Variants in GMIP observed in about 807,000 individuals in gnomAD.
The protein encoded by GMIP is GEM interacting protein.
A neutral mutation model predicts 105.3 loss-of-function variants in GMIP; 54 were observed. The observed-to-expected ratio is 0.51, with a 90% CI of 0.41 to 0.64. The LOEUF (loss-of-function observed/expected upper bound fraction) is 0.64, where lower values mean the gene tolerates loss of function less well. Ranked by LOEUF, GMIP falls within the 30% of genes least tolerant of loss-of-function variation. The pLI, the probability that GMIP is intolerant of heterozygous loss-of-function variation, is 0.00. For synonymous variants in GMIP, 541 were observed against 560.8 expected (o/e 0.96, Z 0.50); for missense variants, 1,110 against 1,319.4 (o/e 0.84, Z 2.46).
rs2061782899 is a variant in GMIP, at chr19:19,630,401, C to G, written c.2540-65G>C. On this transcript the variant is annotated intron_variant, in intron 20 of 20. Transcript: ENST00000203556. The surrounding 1 kb of genome is among the most constrained non-coding windows in gnomAD (Gnocchi z 4.8). The stretch of plus-strand genomic sequence containing the variant: ...GTTCTCTGTATATCCCCCCAGGAGT[C>G]ATCTTTTAGCAAGCCACCCTGGGGC... 1 of 1,590,730 alleles carries G rather than the reference C, an allele frequency of 6.3e-7. No homozygotes were observed. Among genetic ancestry groups the G allele is most frequent in the Non-Finnish European group, 8.6e-7 (1 of 1,168,944 alleles).
chr19:19,642,274 G>A (rs2061930707), intron 2 of GMIP, among the ~76,000 whole-genome samples: 1 of 152,082 alleles, frequency 6.6e-6, no homozygotes. Flanking sequence ...TTCATAGAGT[G>A]GGATTATAGG....
At chr19:19,632,931 C>T (rs1422162737) in intron 19 of GMIP, among the ~76,000 whole-genome samples, 5 of 152,150 alleles carry the variant, frequency 3.3e-5, no homozygotes, top group African/African-American at 1.2e-4. Flanking sequence ...TGCCAGCTCA[C>T]TCCTTCATGT....
At position 19,629,822 on chromosome 19, in the gene GMIP, T is replaced by A; in HGVS notation, c.*141A>T. On this transcript the variant is annotated 3_prime_UTR_variant, in exon 21 of 21. Transcript: ENST00000203556. ...CTCCCCTAGGTCATGTATTAAATAGTTTTTCCTTATAGGAACCCTCTGGAC... is the reference window on the plus strand; with the variant it reads ...CTCCCCTAGGTCATGTATTAAATAGATTTTCCTTATAGGAACCCTCTGGAC... 1 of 819,560 alleles carries A rather than the reference T, an allele frequency of 1.2e-6. No homozygotes were observed. Among genetic ancestry groups the A allele is most frequent in the Non-Finnish European group, 1.9e-6 (1 of 535,818 alleles). The allele number at this position is 819,560 out of a possible 1,614,324, so 50.8% of individuals were successfully genotyped here.
At position 19,643,524 on chromosome 19, in the gene GMIP, G is replaced by C. The variant is rs770374512; in HGVS notation, c.6C>G (p.Asp2Glu). M[D>E]AAEPGLPPGP... ...CCGACCCCCTACCCGGCTCTGCTGC[G>C]TCCATATCTGGGCCCGGGGATCGCT... The change falls in exon 1 of 21, where the codon GAC becomes GAG. Residue 2 changes from aspartate to glutamate, a missense_variant. By Grantham distance (45) the Asp-to-Glu change is conservative (BLOSUM62 2). This residue lies in a region of GMIP where 667 missense variants were observed against 773.2 expected (regional missense o/e 0.86). Coordinates refer to ENST00000203556, the MANE Select transcript of GMIP (RefSeq NM_016573.4). The C allele has an allele frequency of 6.5e-6, 10 of 1,547,862 alleles. No homozygotes were observed. The African/African-American group carries it at 9.6e-5, about 15-fold the overall frequency.
chr19:19,637,410 G>T lies in GMIP; in HGVS notation c.1079C>A (p.Pro360Gln). The T allele has an allele frequency of 6.7e-7, 1 of 1,490,508 alleles. No homozygotes were observed. The highest frequency in any genetic ancestry group is 8.9e-7 in the Non-Finnish European group (1 of 1,127,732). 92.3% of individuals were successfully genotyped at this position (1,490,508 alleles called of 1,614,324 possible). The change falls in exon 11 of 21, where the codon CCG becomes CAG. Residue 360 changes from proline to glutamine, a missense_variant. Physicochemically the swap from Pro to Gln is moderately conservative, Grantham distance 76. This residue lies in a region of GMIP where 667 missense variants were observed against 773.2 expected (regional missense o/e 0.86). Coordinates refer to ENST00000203556, the MANE Select transcript of GMIP (RefSeq NM_016573.4). The surrounding 1 kb of genome is among the most constrained non-coding windows in gnomAD (Gnocchi z 6.7). Reference sequence around the variant, plus strand: ...CTCCTGGAAGGAGAAGGCGGGCGGCGGGGGCGGCGGGGCCTCGGGCCGCAG... The same window carrying T: ...CTCCTGGAAGGAGAAGGCGGGCGGCTGGGGCGGCGGGGCCTCGGGCCGCAG... ...RALRPEAPPP[P>Q]PPAFSFQEFL...
chr19:19,635,855 G>A lies in GMIP; in HGVS notation c.1328-134C>T, dbSNP rs1241705748. ...GGATTGGACAGGTCAGTGGTTAAGGGTTGGAGAATTGGGTCAGCAACCTGA... is the reference window on the plus strand; with the variant it reads ...GGATTGGACAGGTCAGTGGTTAAGGATTGGAGAATTGGGTCAGCAACCTGA... On this transcript the variant is annotated intron_variant, in intron 13 of 20. Coordinates refer to ENST00000203556, the MANE Select transcript of GMIP (RefSeq NM_016573.4). This position sits in a 1 kb window ranked among gnomAD's most constrained non-coding sequence, Gnocchi z 4.7. 2 of 737,306 alleles carry A rather than the reference G, an allele frequency of 2.7e-6. No individual in the cohort carries two copies. Among genetic ancestry groups the A allele is most frequent in the Non-Finnish European group, 4.7e-6 (2 of 427,792 alleles). The allele number at this position is 737,306 out of a possible 1,614,324, so 45.7% of individuals were successfully genotyped here. A position where few individuals can be genotyped will look rare whatever the true frequency, so the allele number is the denominator to read the frequency against.
At chr19:19,631,701 C>T (rs1047907820) in intron 19 of GMIP, among the ~76,000 whole-genome samples, 9 of 152,200 alleles carry the variant, frequency 5.9e-5, no homozygotes, top group African/African-American at 2.2e-4. Context: ...GATTCTACGC[C>T]AGGCGGCCGG....
chr19:19,637,413 G>GGCGGCGGGT lies in GMIP; in HGVS notation c.1075_1076insACCCGCCGC (p.Pro358_Pro359insHisProPro). The GGCGGCGGGT allele has an allele frequency of 1.0e-5, 15 of 1,494,206 alleles. No individual in the cohort carries two copies. Among genetic ancestry groups the GGCGGCGGGT allele is most frequent in the Non-Finnish European group, 1.2e-5 (14 of 1,129,634 alleles). 92.6% of individuals were successfully genotyped at this position (1,494,206 alleles called of 1,614,324 possible). On this transcript the variant is annotated inframe_insertion, in exon 11 of 21. Coordinates refer to ENST00000203556, the MANE Select transcript of GMIP (RefSeq NM_016573.4). The surrounding 1 kb of genome is among the most constrained non-coding windows in gnomAD (Gnocchi z 6.7). The stretch of plus-strand genomic sequence containing the variant: ...CTGGAAGGAGAAGGCGGGCGGCGGG[G>GGCGGCGGGT]GCGGCGGGGCCTCGGGCCGCAGCGC...
Position 19,634,735 on chromosome 19 carries a change from G to A in GMIP, c.1888-32C>T, listed in dbSNP as rs764081908. ...GTGGAACGGAGGGCGCAACACGAGT[G>A]TGGGTGGGCTGTGGAGGGCTCCTGC... On this transcript the variant is annotated intron_variant, in intron 17 of 20. Transcript: ENST00000203556. The surrounding 1 kb of genome is among the most constrained non-coding windows in gnomAD (Gnocchi z 6.1). The A allele has an allele frequency of 1.9e-6, 3 of 1,609,620 alleles. No homozygotes were observed. In the Admixed American group the frequency reaches 5.0e-5, roughly 27 times the overall value.
Position 19,635,520 on chromosome 19 carries a change from C to A in GMIP, c.1455G>T (p.Trp485Cys). The change falls in exon 15 of 21, where the codon TGG becomes TGT. Residue 485 changes from tryptophan to cysteine, a missense_variant. By Grantham distance (215) the Trp-to-Cys change is radical (BLOSUM62 -2). This residue lies in a region of GMIP where 667 missense variants were observed against 773.2 expected (regional missense o/e 0.86). Transcript: ENST00000203556. This position sits in a 1 kb window ranked among gnomAD's most constrained non-coding sequence, Gnocchi z 4.7. Reference sequence around the variant, plus strand: ...GGGTCTGAGCCGCGCTGGACAGTGTCCACTTCCCGAAGGGGCTGCCCAGCC... The same window carrying A: ...GGGTCTGAGCCGCGCTGGACAGTGTACACTTCCCGAAGGGGCTGCCCAGCC... ...ENGLGSPFGK[W>C]TLSSAAQTHQ... 8 of 1,613,394 alleles carry A rather than the reference C, an allele frequency of 5.0e-6. No individual in the cohort carries two copies. The highest frequency in any genetic ancestry group is 6.8e-6 in the Non-Finnish European group (8 of 1,180,012).
Position 19,635,261 on chromosome 19 carries a change from G to A in GMIP, c.1561-48C>T. The A allele has an allele frequency of 6.4e-7, 1 of 1,563,948 alleles. No individual in the cohort carries two copies. Among genetic ancestry groups the A allele is most frequent in the Non-Finnish European group, 8.8e-7 (1 of 1,142,260 alleles). ...AGGGAGGTCATTAGGGACCAGTAGGGGAAGAGAAGGTTACAAGGATCCTCA... is the reference window on the plus strand; with the variant it reads ...AGGGAGGTCATTAGGGACCAGTAGGAGAAGAGAAGGTTACAAGGATCCTCA... On this transcript the variant is annotated intron_variant, in intron 15 of 20. Coordinates refer to ENST00000203556, the MANE Select transcript of GMIP (RefSeq NM_016573.4). This position sits in a 1 kb window ranked among gnomAD's most constrained non-coding sequence, Gnocchi z 4.7.
intron 2 of GMIP, 85 bp downstream of exon 2, chr19:19,642,450 T>C (rs573577324): frequency 3.7e-6 from 3 of 801,912 alleles, no homozygotes; most frequent in South Asian, 2.9e-5. Context: ...TGTTACAGGT[T>C]CCAAATGGGA....
In GMIP at chr19:19,635,853, G is replaced by C. The variant is rs2061848894; in HGVS notation, c.1328-132C>G. On this transcript the variant is annotated intron_variant, in intron 13 of 20. Transcript: ENST00000203556. This position sits in a 1 kb window ranked among gnomAD's most constrained non-coding sequence, Gnocchi z 4.7. ...GGGGATTGGACAGGTCAGTGGTTAAGGGTTGGAGAATTGGGTCAGCAACCT... is the reference window on the plus strand; with the variant it reads ...GGGGATTGGACAGGTCAGTGGTTAACGGTTGGAGAATTGGGTCAGCAACCT... 1.2e-5 allele frequency: 9 copies of C among 743,318 alleles called. No homozygotes were observed. The highest frequency in any genetic ancestry group is 2.1e-5 in the Non-Finnish European group (9 of 432,304). The allele number at this position is 743,318 out of a possible 1,614,324, so 46.0% of individuals were successfully genotyped here.
intron 4 of GMIP, among the ~76,000 whole-genome samples, chr19:19,641,360 C>T (rs1341583449): frequency 1.3e-5 from 2 of 152,104 alleles, no homozygotes; most frequent in East Asian, 1.9e-4. Flanking sequence ...GGATTACAGG[C>T]GTGAGCCACT....
chr19:19,634,413 G>C lies in GMIP; in HGVS notation c.2084+94C>G, dbSNP rs1271950823. The C allele has an allele frequency of 6.0e-6, 7 of 1,159,880 alleles. No homozygotes were observed. The East Asian group carries it at 1.6e-4, about 27-fold the overall frequency. The allele number at this position is 1,159,880 out of a possible 1,614,324, so 71.8% of individuals were successfully genotyped here. A position where few individuals can be genotyped will look rare whatever the true frequency, so the allele number is the denominator to read the frequency against. On this transcript the variant is annotated intron_variant, in intron 18 of 20. Transcript: ENST00000203556. This position sits in a 1 kb window ranked among gnomAD's most constrained non-coding sequence, Gnocchi z 6.1. ...AGAGTTCAGAAAACACAGGTCAAAG[G>C]TCAGAGGTCAGTGTCAGGGGTCAGC...
At position 19,635,881 on chromosome 19, in the gene GMIP, G is replaced by A. The variant is rs551660358; in HGVS notation, c.1328-160C>T. Among the ~76,000 whole-genome samples, 75 of 152,290 alleles carry A rather than the reference G, an allele frequency of 4.9e-4. No individual in the cohort carries two copies. The highest frequency in any genetic ancestry group is 1.2e-3 in the Admixed American group (19 of 15,290). On this transcript the variant is annotated intron_variant, in intron 13 of 20. Coordinates refer to ENST00000203556, the MANE Select transcript of GMIP (RefSeq NM_016573.4). The surrounding 1 kb of genome is among the most constrained non-coding windows in gnomAD (Gnocchi z 4.7). The stretch of plus-strand genomic sequence containing the variant: ...TTGGAGAATTGGGTCAGCAACCTGA[G>A]GGGGGTGGTTCATAAGCTGGATCAA...
rs2061785213 is a variant in GMIP at position 19,630,559 on chromosome 19, T to C, written c.2473-22A>G. ...GAATCTGCAGGGAGAAACCCAAGAA[T>C]GAGACCCCAACACTAAAATCCCAGT... On this transcript the variant is annotated intron_variant, in intron 19 of 20. Transcript: ENST00000203556. This position sits in a 1 kb window ranked among gnomAD's most constrained non-coding sequence, Gnocchi z 4.8. The C allele has an allele frequency of 6.3e-7, 1 of 1,597,564 alleles. No individual in the cohort carries two copies. The highest frequency in any genetic ancestry group is 1.1e-5 in the South Asian group (1 of 90,730).
At chr19:19,643,024 A>C in intron 1 of GMIP, 1 of 202,280 alleles carries the variant, frequency 4.9e-6, no homozygotes, top group Non-Finnish European at 1.0e-5. Context: ...CGTGAGGGAC[A>C]TAAAGACCGA....
In GMIP at chr19:19,643,608, T is replaced by C. The variant is rs2061949404; in HGVS notation, c.-79A>G. The C allele has an allele frequency of 7.6e-7, 1 of 1,320,248 alleles. No homozygotes were observed. Among genetic ancestry groups the C allele is most frequent in the Non-Finnish European group, 1.0e-6 (1 of 966,562 alleles). 81.8% of individuals were successfully genotyped at this position (1,320,248 alleles called of 1,614,324 possible). A position where few individuals can be genotyped will look rare whatever the true frequency, so the allele number is the denominator to read the frequency against. ...CCGGCGGGGCCGAGCCCCGATTTCC[T>C]GCCGCCGCAGCCGCCGCCGCCGCCT... On this transcript the variant is annotated 5_prime_UTR_variant, in exon 1 of 21. Transcript: ENST00000203556.
Sources: gnomAD v4.1 joint callset for allele counts (sites outside exome capture counted in the v4.1 genomes callset) on GRCh38, gnomAD v4.1.1 for gene constraint, gnomAD v4.1.1 regional missense constraint, Gnocchi (gnomAD v3.1) non-coding constraint, MANE v1.5 for transcripts, NCBI Gene and HGNC (gene_info 2026-07-23, HGNC 2026-07-21) for gene names.